SYT12: variants seen among roughly 807,000 people sequenced by gnomAD.
SYT12 encodes synaptotagmin 12, also known as synaptotagmin-12.
A neutral mutation model predicts 39.5 loss-of-function variants in SYT12; 27 were observed. That is an observed-to-expected ratio of 0.68 (90% CI 0.50 to 0.94). The LOEUF is 0.94. Among genes scored for constraint, SYT12 ranks in the 40% least tolerant of loss-of-function variants. The probability of loss-of-function intolerance (pLI) is 0.00; values close to 1 mark genes in which losing one functional copy is unlikely to be tolerated. For missense variants in SYT12, 536 were observed against 572.6 expected, an observed-to-expected ratio of 0.94 and a Z score of 0.65; for synonymous variants, 233 against 239.7, an observed-to-expected ratio of 0.97 and a Z score of 0.26.
chr11:67,012,003 T>C (rs1482030479), intron 3 of SYT12, among the ~76,000 whole-genome samples: 1 of 150,740 alleles, frequency 6.6e-6, no homozygotes, highest in African/African-American at 2.4e-5. Flanking sequence ...GACCTTGTGA[T>C]CCACCCACCT....
chr11:67,019,951 C>T (rs940791927), upstream of SYT12, among the ~76,000 whole-genome samples: 2 of 151,804 alleles, frequency 1.3e-5, no homozygotes, highest in African/African-American at 4.8e-5. Context: ...TCTTGGGGCC[C>T]AGCTGTGTGG....
intron 5 of SYT12, among the ~76,000 whole-genome samples, 189 bp from the exon 6 acceptor site, chr11:67,044,404 G>C (rs528066240): frequency 1.1e-4 from 17 of 152,104 alleles, no homozygotes; most frequent in Non-Finnish European, 1.6e-4. Flanking sequence ...ATGCAGTGGC[G>C]GGGGGTGGGT....
rs1215090220 is a variant in SYT12, at chr11:67,049,350, T to G, written c.*593T>G. 1 of 152,126 alleles carries G rather than the reference T, an allele frequency of 6.6e-6. No individual in the cohort carries two copies. The highest frequency in any genetic ancestry group is 1.5e-5 in the Non-Finnish European group (1 of 68,132). 9.4% of individuals were successfully genotyped at this position (152,126 alleles called of 1,614,324 possible). A position where few individuals can be genotyped will look rare whatever the true frequency, so the allele number is the denominator to read the frequency against. The stretch of plus-strand genomic sequence containing the variant: ...TGAACTTCCCCATCGCAAATGCAGT[T>G]CTCAGCCCACTGCAGTGGATACAAG... On this transcript the variant is annotated 3_prime_UTR_variant, in exon 8 of 8. Transcript: ENST00000527043.
Position 67,044,549 on chromosome 11 carries a change from G to A in SYT12, c.838-44G>A, listed in dbSNP as rs1950573985. 5.6e-6 allele frequency: 9 copies of A among 1,599,860 alleles called. No individual in the cohort carries two copies. The East Asian group carries it at 2.0e-4, about 36-fold the overall frequency. On this transcript the variant is annotated intron_variant, in intron 5 of 7. Transcript: ENST00000527043. ...CCAAGGCTTTCCCTGGACCCCTCAA[G>A]TCGGGTGGGGAGAAGCCCTCTGAGC...
intron 3 of SYT12, among the ~76,000 whole-genome samples, chr11:67,035,122 G>A (rs544664135): frequency 6.8e-6 from 1 of 146,604 alleles, no homozygotes; most frequent in East Asian, 2.0e-4. Context: ...CGATTATCCT[G>A]CTTCAGCTTC....
chr11:67,024,682 T>G (rs1212881390), intron 1 of SYT12, among the ~76,000 whole-genome samples: 1 of 152,220 alleles, frequency 6.6e-6, no homozygotes, highest in African/African-American at 2.4e-5. Context: ...CAGTCTGTCC[T>G]GCGGTTTCTG....
chr11:67,047,586 A>G (rs1854598039), intron 7 of SYT12, among the ~76,000 whole-genome samples: 1 of 150,674 alleles, frequency 6.6e-6, no homozygotes, highest in Non-Finnish European at 1.5e-5. Flanking sequence ...TATTATCATC[A>G]CCATTTCACA....
rs1008117408 is a variant in SYT12, at chr11:67,043,897, C to A, written c.837+44C>A. ...CGTCCACCTCGGAAGAGCGTGCACA[C>A]ACATACACTTCCAGGAAGGGACTCC... On this transcript the variant is annotated intron_variant, in intron 5 of 7. Transcript: ENST00000527043. The A allele has an allele frequency of 3.2e-6, 5 of 1,563,950 alleles. No homozygotes were observed. The South Asian group carries it at 5.6e-5, about 18-fold the overall frequency.
intron 3 of SYT12, among the ~76,000 whole-genome samples, chr11:67,037,549 AAAATAAAT>A (rs34631289): frequency 3.0e-3 from 431 of 145,874 alleles, no homozygotes; most frequent in Middle Eastern, 0.028. Context: ...CATCTCTACC[AAAATAAAT>A]AAATAAATAA....
chr11:67,040,149 C>G lies in SYT12; in HGVS notation c.567C>G (p.Ser189=). The G allele has an allele frequency of 1.2e-6, 2 of 1,606,082 alleles. No homozygotes were observed. Among genetic ancestry groups the G allele is most frequent in the Non-Finnish European group, 8.5e-7 (1 of 1,174,856 alleles). The change falls in exon 4 of 8, where the codon TCC becomes TCG. Residue 189 remains serine (S), a synonymous_variant. Transcript: ENST00000527043. The part of the protein sequence containing the change: ...LLEREEASFE[S]CFMRVSLLPD... The stretch of plus-strand genomic sequence containing the variant: ...AGCGGGAGGAGGCCAGCTTCGAGTC[C>G]TGCTTCATGCGCGTCAGCCTGCTGC...
intron 3 of SYT12, 58 bp from the exon 4 acceptor site, chr11:67,039,753 C>A: frequency 6.5e-7 from 1 of 1,544,416 alleles, no homozygotes; most frequent in East Asian, 2.3e-5. Context: ...TTGCCGTCTC[C>A]CAGTGACCTT....
rs1950363468 is a variant in SYT12, at chr11:67,035,833, C to CTTTCTTT, written c.228+995_228+996insTTTCTTT. ...TCCTTCCTTCCTTCCTTCCTTCCTT[C>CTTTCTTT]CTTCCTTTCTTTCTTTCTTTCTTTC... is the stretch of plus-strand genomic sequence containing the variant. On this transcript the variant is annotated intron_variant, in intron 3 of 7. Transcript: ENST00000527043. 1.8e-4 allele frequency among the ~76,000 whole-genome samples: 18 copies of CTTTCTTT among 102,492 alleles called. No individual in the cohort carries two copies. The East Asian group carries it at 2.1e-3, about 12-fold the overall frequency. The allele number at this position is 102,492 out of a possible 152,430, so 67.2% of individuals were successfully genotyped here.
chr11:67,027,841 C>G (rs1950202975), intron 1 of SYT12: 3 of 152,354 alleles, frequency 2.0e-5, no homozygotes, highest in Middle Eastern at 6.8e-3. Flanking sequence ...GCCAGGTAAG[C>G]AGGAAAAAGC....
rs78701742 is a variant in SYT12 at position 67,024,108 on chromosome 11, A to G, written c.-24+648A>G. On this transcript the variant is annotated intron_variant, in intron 1 of 7. Transcript: ENST00000527043. ...TGGGGGAGGGAGGTGGGGGGCCGGG[A>G]GCCTGGCCTGTGGGTGGAAGGCCCT... Among the ~76,000 whole-genome samples the G allele has an allele frequency of 9.1e-3, 1,376 of 151,948 alleles. 26 individuals are homozygous for G. Among genetic ancestry groups the G allele is most frequent in the African/African-American group, 0.032 (1,328 of 41,398 alleles).
intron 1 of SYT12, among the ~76,000 whole-genome samples, chr11:67,007,993 A>C (rs1253437): frequency 7.4e-6 from 1 of 135,784 alleles, no homozygotes; most frequent in Non-Finnish European, 1.6e-5. Flanking sequence ...TCGCTCTGTC[A>C]CCCAGGCTGG....
chr11:67,007,950 CCTAA>C (rs908402198), intron 1 of SYT12, among the ~76,000 whole-genome samples: 1 of 151,264 alleles, frequency 6.6e-6, no homozygotes, highest in Non-Finnish European at 1.5e-5. Context: ...CTGAGGAAGC[CCTAA>C]CTTTTTTTTT....
intron 3 of SYT12, among the ~76,000 whole-genome samples, chr11:67,035,837 C>CCTTCCTTCCTTCCTTTCTTTCTTT (rs1412426648): frequency 9.0e-6 from 1 of 111,142 alleles, no homozygotes; most frequent in African/African-American, 4.3e-5. Context: ...TTCCTTCCTT[C>CCTTCCTTCCTTCCTTTCTTTCTTT]CTTTCTTTCT....
intron 3 of SYT12, among the ~76,000 whole-genome samples, chr11:67,015,170 C>T (rs1950047227): frequency 6.6e-6 from 1 of 152,290 alleles, no homozygotes; most frequent in African/African-American, 2.4e-5. Flanking sequence ...TCTTAAGCTT[C>T]CCCCAACCAA....
intron 1 of SYT12, among the ~76,000 whole-genome samples, chr11:67,007,806 C>T (rs1419466173): frequency 1.3e-5 from 2 of 151,858 alleles, no homozygotes. Flanking sequence ...TCAGGTGATC[C>T]ACCCTCCTTG....
Sources: gnomAD v4.1 joint callset for allele counts (sites outside exome capture counted in the v4.1 genomes callset) on GRCh38, gnomAD v4.1.1 for gene constraint, MANE v1.5 for transcripts, NCBI Gene and HGNC (gene_info 2026-07-23, HGNC 2026-07-21) for gene names.